Variants in PIP4P2 observed in about 807,000 individuals in gnomAD.
PIP4P2 encodes the protein type 2 phosphatidylinositol 4,5-bisphosphate 4-phosphatase.
Under a neutral mutation model 33.3 loss-of-function variants are expected in PIP4P2, and 19 were observed. The observed-to-expected ratio is 0.57, with a 90% confidence interval of 0.40 to 0.84. PIP4P2 has a LOEUF of 0.84. Among genes scored for constraint, PIP4P2 ranks in the 40% least tolerant of loss-of-function variants. The pLI is 0.00. For missense variants in PIP4P2, 270 were observed against 324.7 expected, an observed-to-expected ratio of 0.83 and a Z score of 1.29; for synonymous variants, 110 against 111.9, an observed-to-expected ratio of 0.98 and a Z score of 0.11.
At chr8:91,039,961 T>C (rs1382949034) in intron 1 of PIP4P2, among the ~76,000 whole-genome samples, 6 of 152,198 alleles carry the variant, frequency 3.9e-5, no homozygotes, top group Non-Finnish European at 7.3e-5. Context: ...CTCACCCAGA[T>C]ATGTGTTAAA....
At chr8:91,022,205 TATA>T (rs536452503) in intron 1 of PIP4P2, among the ~76,000 whole-genome samples, 21 of 152,220 alleles carry the variant, frequency 1.4e-4, no homozygotes, top group Non-Finnish European at 2.5e-4. Flanking sequence ...AACTGATGAA[TATA>T]ATGACATGGA....
In PIP4P2 at chr8:90,995,707, T is replaced by C. The variant is rs771052853; in HGVS notation, c.744A>G (p.Arg248=). ...CAAAACTGTGTTCTGGATAACTGAC[T>C]CTTATGGCTCCCCAATAACAAGCTC... ...LIRACYWGAI[R]VSYPEHSFA is the part of the protein sequence containing the mutation. Residue 248 remains arginine (R), a synonymous_variant, in exon 7 of 7, where the codon AGA becomes AGG. Transcript: ENST00000285419. 2 of 1,613,186 alleles carry C rather than the reference T, an allele frequency of 1.2e-6. No individual in the cohort carries two copies. The highest frequency in any genetic ancestry group is 1.1e-5 in the South Asian group (1 of 90,940).
At chr8:91,037,548 T>C (rs776088753) in intron 1 of PIP4P2, among the ~76,000 whole-genome samples, 3 of 152,204 alleles carry the variant, frequency 2.0e-5, no homozygotes, top group Non-Finnish European at 4.4e-5. Context: ...CATCTGTTTG[T>C]GTGATTACAT....
chr8:91,032,797 A>G (rs1191738701), intron 1 of PIP4P2, among the ~76,000 whole-genome samples: 4 of 151,360 alleles, frequency 2.6e-5, no homozygotes, highest in African/African-American at 4.8e-5. Flanking sequence ...AAAAAAAAAA[A>G]AAAAGAAAGA....
chr8:91,008,476 G>A (rs1811790449), intron 5 of PIP4P2, among the ~76,000 whole-genome samples: 1 of 151,982 alleles, frequency 6.6e-6, no homozygotes, highest in Admixed American at 6.6e-5. Flanking sequence ...TCCTAACCAG[G>A]TTACTGATAA....
chr8:91,029,953 C>T (rs760347879), intron 1 of PIP4P2, among the ~76,000 whole-genome samples: 6 of 151,976 alleles, frequency 3.9e-5, no homozygotes, highest in South Asian at 2.1e-4. Context: ...GGCGACAGAG[C>T]GAGACTCCGT....
Position 91,021,175 on chromosome 8 carries a change from G to C in PIP4P2, c.255+81C>G, listed in dbSNP as rs542211765. 14 of 1,504,898 alleles carry C rather than the reference G, an allele frequency of 9.3e-6. No individual in the cohort carries two copies. In the South Asian group the frequency reaches 1.7e-4, roughly 18 times the overall value. The allele number at this position is 1,504,898 out of a possible 1,614,324, so 93.2% of individuals were successfully genotyped here. A position where few individuals can be genotyped will look rare whatever the true frequency, so the allele number is the denominator to read the frequency against. ...GTATCCAGCCCACATATACTTTTAA[G>C]TAACATTATTGAAGTACTTCCTTTA... On this transcript the variant is annotated intron_variant, in intron 2 of 6. Coordinates refer to ENST00000285419, the MANE Select transcript of PIP4P2 (RefSeq NM_018710.3).
chr8:91,021,944 C>T (rs561969813), intron 1 of PIP4P2, among the ~76,000 whole-genome samples: 4 of 152,094 alleles, frequency 2.6e-5, no homozygotes, highest in African/African-American at 9.6e-5. Flanking sequence ...CAAAAATGAA[C>T]CTAAGAAAAC....
rs529784952 is a variant in PIP4P2 at position 90,995,839 on chromosome 8, T to C, written c.631-19A>G. On this transcript the variant is annotated intron_variant, in intron 6 of 6. Transcript: ENST00000285419. Reference sequence around the variant, plus strand: ...TGCCAACCTAAAATAAAAAGCAATATAAAAACAAAATATTAGAAACTTTAA... The same window carrying C: ...TGCCAACCTAAAATAAAAAGCAATACAAAAACAAAATATTAGAAACTTTAA... 5 of 1,586,736 alleles carry C rather than the reference T, an allele frequency of 3.2e-6. No homozygotes were observed. The highest frequency in any genetic ancestry group is 2.3e-5 in the South Asian group (2 of 86,104).
At chr8:91,022,663 T>C (rs181164224) in intron 1 of PIP4P2, among the ~76,000 whole-genome samples, 2 of 152,356 alleles carry the variant, frequency 1.3e-5, no homozygotes, top group Admixed American at 1.3e-4. Context: ...CTATCCACTG[T>C]ATTAGGTCCT....
intron 1 of PIP4P2, among the ~76,000 whole-genome samples, chr8:91,030,210 T>G (rs1812144206): frequency 1.1e-5 from 1 of 93,626 alleles, no homozygotes; most frequent in South Asian, 4.4e-4. Context: ...CAAGACTCCA[T>G]CTCAAAAAAA....
intron 5 of PIP4P2, among the ~76,000 whole-genome samples, chr8:91,007,517 CAAT>C (rs1811778989): frequency 1.3e-5 from 2 of 152,102 alleles, no homozygotes; most frequent in Admixed American, 6.5e-5. Context: ...CTCTTATTTT[CAAT>C]AATAAAAATT....
At chr8:91,038,126 G>C (rs1291267264) in intron 1 of PIP4P2, among the ~76,000 whole-genome samples, 1 of 152,106 alleles carries the variant, frequency 6.6e-6, no homozygotes, top group Non-Finnish European at 1.5e-5. Flanking sequence ...GATTTTTCTT[G>C]TGCTAAAACC....
At chr8:91,029,536 C>T (rs1812130047) in intron 1 of PIP4P2, among the ~76,000 whole-genome samples, 4 of 152,174 alleles carry the variant, frequency 2.6e-5, no homozygotes, top group Admixed American at 2.6e-4. Context: ...ACCATCATGA[C>T]ATCCTTCCTT....
rs775043338 is a variant in PIP4P2, at chr8:91,008,804, TAAAC to T, written c.487-13_487-10del. The T allele has an allele frequency of 1.2e-5, 19 of 1,595,050 alleles. No homozygotes were observed. In the African/African-American group the frequency reaches 2.1e-4, roughly 18 times the overall value. ...AACCTCAGTTCCATCCACTGTAAAA[TAAAC>T]AAAGAGAGGAATTGAAAAGAAAACA... On this transcript the variant is annotated splice_polypyrimidine_tract_variant and intron_variant, in intron 4 of 6. Coordinates refer to ENST00000285419, the MANE Select transcript of PIP4P2 (RefSeq NM_018710.3).
intron 1 of PIP4P2, among the ~76,000 whole-genome samples, chr8:91,032,798 A>C (rs868614590): frequency 6.7e-6 from 1 of 149,770 alleles, no homozygotes; most frequent in East Asian, 2.0e-4. Context: ...AAAAAAAAAA[A>C]AAAGAAAGAA....
intron 5 of PIP4P2, among the ~76,000 whole-genome samples, chr8:91,007,282 T>C (rs1222189234): frequency 6.6e-6 from 1 of 152,218 alleles, no homozygotes; most frequent in East Asian, 1.9e-4. Flanking sequence ...AAACTATTTT[T>C]TATAAGCTAA....
At chr8:91,009,321 A>G (rs1234026922) in intron 4 of PIP4P2, among the ~76,000 whole-genome samples, 2 of 151,944 alleles carry the variant, frequency 1.3e-5, no homozygotes, top group Non-Finnish European at 2.9e-5. Context: ...GCTTAGTACA[A>G]TTTTCTTCCC....
intron 5 of PIP4P2, among the ~76,000 whole-genome samples, chr8:90,997,855 G>C (rs908781710): frequency 6.6e-6 from 1 of 151,902 alleles, no homozygotes; most frequent in African/African-American, 2.4e-5. Flanking sequence ...TTCCAAATAG[G>C]TTAATTTTGC....
Sources: allele counts gnomAD v4.1 joint callset (sites outside exome capture counted in the v4.1 genomes callset), GRCh38; gene constraint gnomAD v4.1.1; transcripts MANE v1.5; gene names NCBI Gene and HGNC (gene_info 2026-07-23, HGNC 2026-07-21).